IQCH: variants seen among roughly 807,000 people sequenced by gnomAD.
IQCH encodes IQ domain-containing protein H.
IQCH carries 98 observed loss-of-function variants against 117.0 expected under a neutral mutation model. The observed-to-expected ratio is 0.84, with a 90% CI of 0.71 to 0.99. The LOEUF is 0.99. Among genes scored for constraint, IQCH ranks in the 50% least tolerant of loss-of-function variants. IQCH has a pLI of 0.00. For missense variants in IQCH, 1,102 were observed against 1,243.8 expected, an observed-to-expected ratio of 0.89 and a Z score of 1.72; for synonymous variants, 412 against 448.2, an observed-to-expected ratio of 0.92 and a Z score of 1.02.
intron 12 of IQCH, among the ~76,000 whole-genome samples, chr15:67,392,145 T>C (rs556685523): frequency 5.9e-5 from 9 of 152,212 alleles, no homozygotes; most frequent in Admixed American, 3.9e-4. Context: ...ATCTCCAAAA[T>C]AGGGATAGTT....
At chr15:67,400,026 T>C (rs189884463) in intron 13 of IQCH, 88 bp from the exon 14 acceptor site, 2 of 983,872 alleles carry the variant, frequency 2.0e-6, no homozygotes, top group African/African-American at 1.6e-5. Flanking sequence ...TAAAGACACA[T>C]GAGAAGTACA....
At position 67,456,956 on chromosome 15, in the gene IQCH, G is replaced by C. The variant is rs1288162066; in HGVS notation, c.2506-8171G>C. On this transcript the variant is annotated intron_variant, in intron 16 of 20. Transcript: ENST00000335894. The surrounding 1 kb of genome is among the most constrained non-coding windows in gnomAD (Gnocchi z 5.1). ...CTCAAAGATAGCTTCGTGGAGCTGT[G>C]ATTTAAGTCATGCCCAAAAAGATGA... Among the ~76,000 whole-genome samples the C allele has an allele frequency of 6.6e-6, 1 of 152,114 alleles. No individual in the cohort carries two copies. The highest frequency in any genetic ancestry group is 1.9e-4 in the East Asian group (1 of 5,188).
At chr15:67,349,436 T>C (rs1470184260) in intron 6 of IQCH, among the ~76,000 whole-genome samples, 1 of 151,968 alleles carries the variant, frequency 6.6e-6, no homozygotes, top group Non-Finnish European at 1.5e-5. Flanking sequence ...CTGGCCAACA[T>C]GGTGAAACCC....
intron 16 of IQCH, among the ~76,000 whole-genome samples, chr15:67,442,985 G>A (rs971688277): frequency 2.4e-4 from 36 of 151,558 alleles, no homozygotes; most frequent in Admixed American, 2.4e-3. Context: ...GGATGAGACT[G>A]GAGACTGTTA....
At chr15:67,263,830 G>T (rs529871190) in intron 3 of IQCH, among the ~76,000 whole-genome samples, 62 of 152,156 alleles carry the variant, frequency 4.1e-4, no homozygotes, top group Non-Finnish European at 7.6e-4. Context: ...CCTAAGAGAT[G>T]ATTTATTAAA....
At chr15:67,337,318 A>G (rs1968940714) in intron 5 of IQCH, among the ~76,000 whole-genome samples, 1 of 152,122 alleles carries the variant, frequency 6.6e-6, no homozygotes, top group Non-Finnish European at 1.5e-5. Context: ...TCATCATTCT[A>G]TGGATTTAAT....
intron 4 of IQCH, among the ~76,000 whole-genome samples, chr15:67,336,169 C>T (rs1298152926): frequency 6.6e-6 from 1 of 151,986 alleles, no homozygotes; most frequent in Non-Finnish European, 1.5e-5. Context: ...AAACTGTTAC[C>T]TAGTTCCCTT....
In IQCH at chr15:67,457,077, C is replaced by T. The variant is rs755912431; in HGVS notation, c.2506-8050C>T. Among the ~76,000 whole-genome samples, 3 of 152,164 alleles carry T rather than the reference C, an allele frequency of 2.0e-5. No homozygotes were observed. The highest frequency in any genetic ancestry group is 2.1e-4 in the South Asian group (1 of 4,824). On this transcript the variant is annotated intron_variant, in intron 16 of 20. Coordinates refer to ENST00000335894, the MANE Select transcript of IQCH (RefSeq NM_001031715.3). This position sits in a 1 kb window ranked among gnomAD's most constrained non-coding sequence, Gnocchi z 5.7. ...GACTGCCCTGTACAGCGACAACTGC[C>T]GTTCTTCACTTCTCCAAGAGACTGG...
chr15:67,410,779 C>T (rs1419741430), intron 14 of IQCH, among the ~76,000 whole-genome samples: 1 of 152,196 alleles, frequency 6.6e-6, no homozygotes, highest in Non-Finnish European at 1.5e-5. Context: ...GACAAAGGCC[C>T]ATGCTACCAT....
rs1463589446 is a variant in IQCH, at chr15:67,454,725, T to C, written c.2506-10402T>C. Among the ~76,000 whole-genome samples the C allele has an allele frequency of 6.6e-6, 1 of 152,358 alleles. No individual in the cohort carries two copies. The highest frequency in any genetic ancestry group is 2.4e-5 in the African/African-American group (1 of 41,586). ...CAAGGTTCCATCATGTTGTAGCATA[T>C]ATCAATGCTTTGTTCCTTTTCATGG... is the stretch of plus-strand genomic sequence containing the variant. On this transcript the variant is annotated intron_variant, in intron 16 of 20. Transcript: ENST00000335894. This position sits in a 1 kb window ranked among gnomAD's most constrained non-coding sequence, Gnocchi z 5.2.
chr15:67,286,119 T>A (rs1239942997), intron 4 of IQCH, among the ~76,000 whole-genome samples: 1 of 152,238 alleles, frequency 6.6e-6, no homozygotes, highest in Non-Finnish European at 1.5e-5. Flanking sequence ...CTTCCATTAA[T>A]GTTTTGTAGT....
Position 67,366,483 on chromosome 15 carries a change from T to C in IQCH, c.754-5628T>C, listed in dbSNP as rs1022660694. Among the ~76,000 whole-genome samples the C allele has an allele frequency of 1.3e-4, 20 of 152,194 alleles. No individual in the cohort carries two copies. Among genetic ancestry groups the C allele is most frequent in the African/African-American group, 4.6e-4 (19 of 41,436 alleles). On this transcript the variant is annotated intron_variant, in intron 8 of 20. Coordinates refer to ENST00000335894, the MANE Select transcript of IQCH (RefSeq NM_001031715.3). This position sits in a 1 kb window ranked among gnomAD's most constrained non-coding sequence, Gnocchi z 4.4. ...ATGAGAATGCATCAAAGGATGGGGA[T>C]TTTTCTCCTCAGGAAGTGTTTCAGA...
chr15:67,279,356 T>C (rs1444956989), intron 3 of IQCH, 39 bp from the exon 4 acceptor site: 3 of 1,118,488 alleles, frequency 2.7e-6, no homozygotes, highest in Non-Finnish European at 2.7e-6. Context: ...GCTTTTAAAA[T>C]AGCAAATTTG....
At chr15:67,320,227 C>T (rs918433868) in intron 4 of IQCH, among the ~76,000 whole-genome samples, 5 of 152,230 alleles carry the variant, frequency 3.3e-5, no homozygotes, top group Admixed American at 2.0e-4. Context: ...AAATGAGGAC[C>T]AAACTTTATT....
Position 67,493,456 on chromosome 15 carries a change from GCTGTTCATGAACAGGGCACATTCTC to G in IQCH, c.2862-799_2862-775del, listed in dbSNP as rs1410095988. Among the ~76,000 whole-genome samples, 4 of 152,158 alleles carry G rather than the reference GCTGTTCATGAACAGGGCACATTCTC, an allele frequency of 2.6e-5. No individual in the cohort carries two copies. Among genetic ancestry groups the G allele is most frequent in the African/African-American group, 9.7e-5 (4 of 41,428 alleles). ...GTGGATGTTCAGGTTTATAAAGACG[GCTGTTCATGAACAGGGCACATTCTC>G]CTCTGAACATAGGCAGGACACTCTC... On this transcript the variant is annotated intron_variant, in intron 19 of 20. Coordinates refer to ENST00000335894, the MANE Select transcript of IQCH (RefSeq NM_001031715.3). This position sits in a 1 kb window ranked among gnomAD's most constrained non-coding sequence, Gnocchi z 5.1.
intron 4 of IQCH, among the ~76,000 whole-genome samples, chr15:67,315,566 A>C (rs1025642759): frequency 1.3e-5 from 2 of 152,184 alleles, no homozygotes; most frequent in Non-Finnish European, 2.9e-5. Context: ...TTCAGTATAG[A>C]GAAATTAAGT....
Position 67,476,665 on chromosome 15 carries a change from A to G in IQCH, c.2799+847A>G, listed in dbSNP as rs2083207387. 1.3e-5 allele frequency among the ~76,000 whole-genome samples: 2 copies of G among 152,202 alleles called. No individual in the cohort carries two copies. Among genetic ancestry groups the G allele is most frequent in the South Asian group, 2.1e-4 (1 of 4,828 alleles). ...GCTGACTAGAGGCAAGTGCAATGCA[A>G]CGTCTCCTGCCAAAAATAGAACCTC... is the stretch of plus-strand genomic sequence containing the variant. On this transcript the variant is annotated intron_variant, in intron 18 of 20. Coordinates refer to ENST00000335894, the MANE Select transcript of IQCH (RefSeq NM_001031715.3). This position sits in a 1 kb window ranked among gnomAD's most constrained non-coding sequence, Gnocchi z 4.1.
chr15:67,409,506 C>G (rs545005290), intron 14 of IQCH, among the ~76,000 whole-genome samples: 1 of 152,170 alleles, frequency 6.6e-6, no homozygotes, highest in Admixed American at 6.5e-5. Context: ...TTGGACAAAA[C>G]GCTTCTCGAG....
At position 67,408,523 on chromosome 15, in the gene IQCH, A is replaced by T. The variant is rs1237603371; in HGVS notation, c.2097+8218A>T. On this transcript the variant is annotated intron_variant, in intron 14 of 20. Transcript: ENST00000335894. This position sits in a 1 kb window ranked among gnomAD's most constrained non-coding sequence, Gnocchi z 4.2. ...ATATAATGCTACTACATCTGCCTCA[A>T]GTGTATGCATCTGTATGTGTGGAAA... The T allele has an allele frequency of 3.9e-5, 6 of 152,214 alleles. No individual in the cohort carries two copies. The highest frequency in any genetic ancestry group is 8.8e-5 in the Non-Finnish European group (6 of 68,038). 9.4% of individuals were successfully genotyped at this position (152,214 alleles called of 1,614,324 possible).
Sources: gnomAD v4.1 joint callset for allele counts (sites outside exome capture counted in the v4.1 genomes callset) on GRCh38, gnomAD v4.1.1 for gene constraint, Gnocchi (gnomAD v3.1) non-coding constraint, MANE v1.5 for transcripts, NCBI Gene and HGNC (gene_info 2026-07-23, HGNC 2026-07-21) for gene names.